The following CSMD1 variants were observed in gnomAD, a reference collection of about 807,000 sequenced individuals.
CSMD1 encodes CUB and Sushi multiple domains 1.
CSMD1 carries 213 observed loss-of-function variants against 417.5 expected under a neutral mutation model. The observed-to-expected ratio is 0.51, with a 90% CI of 0.46 to 0.57. The LOEUF is 0.57. CSMD1 is among the 20% of genes least tolerant of loss of function. CSMD1 has a pLI of 0.00. For synonymous variants in CSMD1, 2,862 were observed against 1,736.8 expected, an observed-to-expected ratio of 1.65 and a Z score of -16.11; for missense variants, 6,923 against 4,529.7, an observed-to-expected ratio of 1.53 and a Z score of -15.17.
At chr8:4,538,529 C>A (rs1199006487) in intron 2 of CSMD1, among the ~76,000 whole-genome samples, 15 of 151,752 alleles carry the variant, frequency 9.9e-5, no homozygotes, top group Admixed American at 2.0e-4. Context: ...TGTAATCCCA[C>A]CTACTTGGGA....
intron 5 of CSMD1, among the ~76,000 whole-genome samples, chr8:3,978,170 G>A (rs1813585510): frequency 6.6e-6 from 1 of 152,136 alleles, no homozygotes; most frequent in Non-Finnish European, 1.5e-5. Flanking sequence ...TGAGGAAACA[G>A]CCTGTCTGCA....
intron 2 of CSMD1, among the ~76,000 whole-genome samples, chr8:4,593,167 G>T (rs1169166375): frequency 6.6e-6 from 1 of 152,156 alleles, no homozygotes; most frequent in African/African-American, 2.4e-5. Flanking sequence ...AGAGGACCAG[G>T]CAGTCACTGA....
chr8:3,056,054 G>A (rs967662191), intron 49 of CSMD1, among the ~76,000 whole-genome samples: 4 of 152,154 alleles, frequency 2.6e-5, no homozygotes, highest in Non-Finnish European at 5.9e-5. Context: ...AATATGTTTT[G>A]TATTACACAT....
intron 3 of CSMD1, among the ~76,000 whole-genome samples, chr8:4,408,279 ATAT>A (rs1192108304): frequency 3.3e-5 from 5 of 152,190 alleles, no homozygotes; most frequent in Non-Finnish European, 7.3e-5. Context: ...ATATAAGGTT[ATAT>A]TATGAAAGAA....
chr8:4,401,972 A>C (rs1585019389), intron 3 of CSMD1, among the ~76,000 whole-genome samples: 1 of 151,994 alleles, frequency 6.6e-6, no homozygotes, highest in East Asian at 1.9e-4. Context: ...GGCTCCTTGA[A>C]AATTTCAGCA....
chr8:3,174,980 T>C (rs1820814618), intron 37 of CSMD1, among the ~76,000 whole-genome samples: 1 of 152,188 alleles, frequency 6.6e-6, no homozygotes, highest in Non-Finnish European at 1.5e-5. Flanking sequence ...TAACTACCAA[T>C]TATATAAATA....
At chr8:4,074,351 T>G (rs552094054) in intron 3 of CSMD1, among the ~76,000 whole-genome samples, 1 of 152,096 alleles carries the variant, frequency 6.6e-6, no homozygotes, top group African/African-American at 2.4e-5. Flanking sequence ...ATGTAAAATG[T>G]AGTATTTAGT....
chr8:3,895,508 G>T (rs866511090), intron 5 of CSMD1, among the ~76,000 whole-genome samples: 2 of 152,050 alleles, frequency 1.3e-5, no homozygotes, highest in African/African-American at 4.8e-5. Context: ...ATCAATTTAA[G>T]TGTATCTATC....
chr8:4,398,388 C>CTTTTTTTTTTTTTTTT (rs767579097), intron 3 of CSMD1, among the ~76,000 whole-genome samples: 1 of 114,494 alleles, frequency 8.7e-6, no homozygotes, highest in Non-Finnish European at 1.7e-5. Flanking sequence ...GCTGCAACTT[C>CTTTTTTTTTTTTTTTT]TTTTTTTTTT....
intron 44 of CSMD1, 110 bp from the exon 45 acceptor site, chr8:3,107,908 C>T: frequency 1.5e-6 from 1 of 666,806 alleles, no homozygotes; most frequent in African/African-American, 1.9e-5. Flanking sequence ...AGTACACGGA[C>T]TGAAATGTCT....
At chr8:4,759,321 A>T (rs535979898) in intron 1 of CSMD1, among the ~76,000 whole-genome samples, 19 of 152,324 alleles carry the variant, frequency 1.2e-4, no homozygotes, top group African/African-American at 4.1e-4. Flanking sequence ...TCTGGTCTGA[A>T]AGCCCCAGCA....
intron 2 of CSMD1, among the ~76,000 whole-genome samples, chr8:4,460,539 C>G (rs1025558694): frequency 2.6e-5 from 4 of 151,836 alleles, no homozygotes; most frequent in Admixed American, 2.0e-4. Flanking sequence ...AATTTTTAAA[C>G]CTTCTACAAA....
chr8:3,397,867 G>C (rs1324042725), intron 16 of CSMD1, among the ~76,000 whole-genome samples: 1 of 152,120 alleles, frequency 6.6e-6, no homozygotes, highest in African/African-American at 2.4e-5. Flanking sequence ...ACAGAGCTCA[G>C]AATTTGTGCG....
chr8:4,378,466 G>A (rs1027337529), intron 3 of CSMD1, among the ~76,000 whole-genome samples: 2 of 152,148 alleles, frequency 1.3e-5, no homozygotes, highest in Admixed American at 6.5e-5. Flanking sequence ...CTAGCACTCT[G>A]TCTCCCTAGT....
chr8:4,589,010 A>G (rs896986614), intron 2 of CSMD1, among the ~76,000 whole-genome samples: 14 of 152,162 alleles, frequency 9.2e-5, no homozygotes, highest in Admixed American at 8.5e-4. Context: ...CACGTTATGT[A>G]TACATTATAC....
chr8:3,110,191 T>C lies in CSMD1; in HGVS notation c.6575A>G (p.Gln2192Arg), dbSNP rs1289689052. 1 of 1,611,926 alleles carries C rather than the reference T, an allele frequency of 6.2e-7. No homozygotes were observed. The highest frequency in any genetic ancestry group is 2.2e-5 in the East Asian group (1 of 44,864). Reference protein sequence around the residue: ...HGVYINFTLLQTEAVNDYIAV... With the variant: ...HGVYINFTLLRTEAVNDYIAV... ...AATGTAATCGTTGACAGCTTCCGTC[T>C]GTAACAGGGTGAAGTTGATGTAAAC... Residue 2192 changes from glutamine to arginine, a missense_variant, in exon 43 of 70, where the codon CAG (glutamine) becomes CGG (arginine). Physicochemically the swap from Gln to Arg is conservative, Grantham distance 43. Transcript: ENST00000635120.
chr8:4,810,125 G>A (rs929911545), intron 1 of CSMD1, among the ~76,000 whole-genome samples: 3 of 152,138 alleles, frequency 2.0e-5, no homozygotes, highest in Non-Finnish European at 2.9e-5. Flanking sequence ...CCTTAGTTAA[G>A]GATTTAAGCC....
intron 49 of CSMD1, among the ~76,000 whole-genome samples, chr8:3,076,373 C>CCAT (rs200812556): frequency 0.012 from 1,888 of 152,332 alleles, 29 homozygotes; most frequent in Middle Eastern, 0.041. Flanking sequence ...ATGACTAACT[C>CCAT]CATCACCTCT....
chr8:4,094,701 T>C (rs59735099), intron 3 of CSMD1, among the ~76,000 whole-genome samples: 34,155 of 151,894 alleles, frequency 0.22, 4,752 homozygotes, highest in African/African-American at 0.39. Context: ...AACGCCGGCT[T>C]CTAGAGAGAC....
Sources: gnomAD v4.1 joint callset for allele counts (sites outside exome capture counted in the v4.1 genomes callset) on GRCh38, gnomAD v4.1.1 for gene constraint, MANE v1.5 for transcripts, NCBI Gene and HGNC (gene_info 2026-07-23, HGNC 2026-07-21) for gene names.